The following ADGRG1 variants were observed in gnomAD, a reference collection of about 807,000 sequenced individuals.
ADGRG1 encodes 7-transmembrane protein with no EGF-like N-terminal domains-1.
ADGRG1 carries 53 observed loss-of-function variants against 73.5 expected under a neutral mutation model. The observed-to-expected ratio is 0.72, with a 90% CI of 0.58 to 0.91. The LOEUF is 0.91. ADGRG1 is among the 40% of genes least tolerant of loss of function. ADGRG1 has a pLI of 0.00. For synonymous variants in ADGRG1, 394 were observed against 374.4 expected (o/e 1.05, Z -0.60); for missense variants, 795 against 871.8 (o/e 0.91, Z 1.11).
chr16:57,627,916 T>C, upstream of ADGRG1: 1 of 968,738 alleles, frequency 1.0e-6, no homozygotes, highest in South Asian at 4.8e-5. Flanking sequence ...TGGGAATGGC[T>C]CTTCACCCAG....
intron 3 of ADGRG1, 74 bp downstream of exon 3, chr16:57,651,696 C>A: frequency 6.5e-7 from 1 of 1,531,324 alleles, no homozygotes; most frequent in Non-Finnish European, 8.8e-7. Flanking sequence ...GCAAAGTGGA[C>A]TGGGCTCACA....
intron 1 of ADGRG1, among the ~76,000 whole-genome samples, chr16:57,638,445 T>C (rs6499906): frequency 0.59 from 90,042 of 151,964 alleles, 28,375 homozygotes; most frequent in African/African-American, 0.82. Context: ...ATTTTCCTCC[T>C]TCCCCAGACT....
intron 2 of ADGRG1, chr16:57,621,442 C>G (rs1292269185): frequency 6.6e-6 from 1 of 151,722 alleles, no homozygotes; most frequent in Non-Finnish European, 1.5e-5. Context: ...AGTGGGAAGT[C>G]TCTTGTAGCC....
At chr16:57,634,550 A>G in intron 1 of ADGRG1, 1 of 860,250 alleles carries the variant, frequency 1.2e-6, no homozygotes, top group Non-Finnish European at 1.4e-6. Context: ...TTCACAGATG[A>G]GGAATCAGGC....
In ADGRG1 at chr16:57,655,494, C is replaced by T. The variant is rs1239138045; in HGVS notation, c.864C>T (p.Leu288=). Residue 288 remains leucine (L), a synonymous_variant, in exon 6 of 14, where the codon CTC becomes CTT. Transcript: ENST00000562631. The part of the protein sequence containing the change: ...KGRSGEAEKR[L]LLVDFSSQAL... ...GGAGCGGGGAGGCTGAGAAGAGACT[C>T]CTCCTGGTGGACTTCAGCAGCCAAG... The T allele has an allele frequency of 1.9e-6, 3 of 1,613,872 alleles. No individual in the cohort carries two copies. The highest frequency in any genetic ancestry group is 4.5e-5 in the East Asian group (2 of 44,868).
intron 1 of ADGRG1, chr16:57,640,063 C>A: frequency 6.2e-6 from 1 of 160,752 alleles, no homozygotes; most frequent in Non-Finnish European, 1.3e-5. Context: ...CAGAAACAAG[C>A]CTCTGACAAG....
rs370946799 is a variant in ADGRG1 at position 57,644,753 on chromosome 16, GGCACACACCCAT to G, written c.-35-5491_-35-5480del. On this transcript the variant is annotated intron_variant, in intron 1 of 13. Coordinates refer to ENST00000562631, the MANE Select transcript of ADGRG1 (RefSeq NM_201525.4). ...CACACACTGATCACACGTATGCACG[GGCACACACCCAT>G]GCACACACACATATGCACACTCATG... Among the ~76,000 whole-genome samples, 1,081 of 122,856 alleles carry G rather than the reference GGCACACACCCAT, an allele frequency of 8.8e-3. 9 individuals carry two copies. The highest frequency in any genetic ancestry group is 0.014 in the Non-Finnish European group (852 of 60,478). The allele number at this position is 122,856 out of a possible 152,430, so 80.6% of individuals were successfully genotyped here. A position where few individuals can be genotyped will look rare whatever the true frequency, so the allele number is the denominator to read the frequency against.
rs562817761 is a variant in ADGRG1 at position 57,641,255 on chromosome 16, C to G, written c.-35-8998C>G. On this transcript the variant is annotated intron_variant, in intron 1 of 13. Coordinates refer to ENST00000562631, the MANE Select transcript of ADGRG1 (RefSeq NM_201525.4). The stretch of plus-strand genomic sequence containing the variant: ...CAGAGCTTGTCTGAACCTTATGCCC[C>G]TAACTCCTGCCACCCCTGCTCTAGG... 4 of 978,486 alleles carry G rather than the reference C, an allele frequency of 4.1e-6. No individual in the cohort carries two copies. In the African/African-American group the frequency reaches 7.0e-5, roughly 17 times the overall value. 60.6% of individuals were successfully genotyped at this position (978,486 alleles called of 1,614,324 possible). A position where few individuals can be genotyped will look rare whatever the true frequency, so the allele number is the denominator to read the frequency against.
At chr16:57,647,206 C>T (rs1597395106) in intron 1 of ADGRG1, 1 of 985,412 alleles carries the variant, frequency 1.0e-6, no homozygotes, top group Non-Finnish European at 1.2e-6. Flanking sequence ...TTCTTGTCCC[C>T]AGCCCAGCTC....
chr16:57,657,560 A>G (rs568871828), intron 10 of ADGRG1, 69 bp downstream of exon 10: 9 of 1,190,688 alleles, frequency 7.6e-6, no homozygotes, highest in African/African-American at 1.5e-5. Context: ...AGGGCGCCGC[A>G]CACATCTCCG....
intron 5 of ADGRG1, among the ~76,000 whole-genome samples, chr16:57,654,421 C>T (rs12597777): frequency 2.2e-3 from 252 of 114,040 alleles, no homozygotes; most frequent in African/African-American, 7.9e-3. Flanking sequence ...CCCCCCCCCC[C>T]GTTTTTTTTT....
Position 57,661,772 on chromosome 16 carries a change from G to T in ADGRG1, c.1740G>T (p.Met580Ile). The change falls in exon 13 of 14, where the codon ATG (methionine) becomes ATT (isoleucine). Residue 580 changes from methionine to isoleucine, a missense_variant. By Grantham distance (10) the Met-to-Ile change is conservative. Coordinates refer to ENST00000562631, the MANE Select transcript of ADGRG1 (RefSeq NM_201525.4). ...TCAGCCTGGTGTTTCTGTTCAACAT[G>T]GCCATGCTAGCCACCATGGTGGTGC... is the stretch of plus-strand genomic sequence containing the variant. ...GLFSLVFLFN[M>I]AMLATMVVQI... 6.2e-7 allele frequency: 1 copy of T among 1,614,212 alleles called. No individual in the cohort carries two copies. Among genetic ancestry groups the T allele is most frequent in the Non-Finnish European group, 8.5e-7 (1 of 1,180,038 alleles).
chr16:57,623,837 A>G, upstream of ADGRG1: 1 of 985,092 alleles, frequency 1.0e-6, no homozygotes, highest in Non-Finnish European at 1.2e-6. Flanking sequence ...CCCACAGGAG[A>G]TAGCAGGGAG....
chr16:57,633,072 G>T, intron 1 of ADGRG1: 3 of 575,620 alleles, frequency 5.2e-6, no homozygotes, highest in Non-Finnish European at 6.6e-6. Flanking sequence ...ATGGGGGAAA[G>T]CTGACTTTTG....
intron 13 of ADGRG1, chr16:57,662,877 TGGG>T: frequency 1.0e-6 from 1 of 966,158 alleles, no homozygotes; most frequent in Non-Finnish European, 1.2e-6. Context: ...GGGGCTCTCA[TGGG>T]GTTCAAGGCC....
chr16:57,634,449 C>T (rs991061120), intron 1 of ADGRG1: 36 of 985,318 alleles, frequency 3.7e-5, no homozygotes, highest in South Asian at 4.7e-5. Flanking sequence ...CCCAAACTTC[C>T]GCCCCTGGGG....
intron 1 of ADGRG1, chr16:57,639,805 T>G: frequency 1.2e-6 from 1 of 833,734 alleles, no homozygotes; most frequent in Non-Finnish European, 1.4e-6. Context: ...TCCCCATCCC[T>G]TCCCCTTTAT....
intron 1 of ADGRG1, chr16:57,645,481 G>A (rs1381877113): frequency 3.5e-6 from 1 of 281,996 alleles, no homozygotes; most frequent in Non-Finnish European, 5.4e-6. Context: ...ATGGGTCTGC[G>A]TCACAGGGCA....
At chr16:57,629,733 C>T (rs180716574) in intron 1 of ADGRG1, among the ~76,000 whole-genome samples, 6 of 152,258 alleles carry the variant, frequency 3.9e-5, no homozygotes, top group East Asian at 1.9e-4. Context: ...ACACCCTGCC[C>T]GTTGCCACCA....
Sources: allele counts gnomAD v4.1 joint callset (sites outside exome capture counted in the v4.1 genomes callset), GRCh38; gene constraint gnomAD v4.1.1; transcripts MANE v1.5; gene names NCBI Gene and HGNC (gene_info 2026-07-23, HGNC 2026-07-21).